MAP4K5: variants seen among roughly 807,000 people sequenced by gnomAD.
MAP4K5 encodes the protein mitogen-activated protein kinase kinase kinase kinase 5, also known as MAPK/ERK kinase kinase kinase 5.
In MAP4K5, 82 loss-of-function variants were observed where a neutral mutation model predicts 135.6. The observed-to-expected ratio is 0.60, with a 90% CI of 0.51 to 0.73. The LOEUF (loss-of-function observed/expected upper bound fraction) is 0.73, where lower values mean the gene tolerates loss of function less well. MAP4K5 is among the 30% of genes least tolerant of loss of function. The probability of loss-of-function intolerance (pLI) is 0.00; values close to 1 mark genes in which losing one functional copy is unlikely to be tolerated. For missense variants in MAP4K5, 907 were observed against 1,010.9 expected (o/e 0.90, Z 1.39); for synonymous variants, 347 against 335.0 (o/e 1.04, Z -0.39).
intron 1 of MAP4K5, among the ~76,000 whole-genome samples, chr14:50,553,085 A>G (rs2140162685): frequency 6.6e-6 from 1 of 152,248 alleles, no homozygotes; most frequent in South Asian, 2.1e-4. Context: ...ACTTGAGGTC[A>G]GGAGTTCAAG....
chr14:50,524,442 G>T (rs1211252169), intron 2 of MAP4K5, among the ~76,000 whole-genome samples: 2 of 152,002 alleles, frequency 1.3e-5, no homozygotes, highest in Non-Finnish European at 2.9e-5. Context: ...ACTAGTACAG[G>T]TGTTTCAACA....
rs2035678796 is a variant in MAP4K5 at position 50,419,577 on chromosome 14, A to G, written c.*442T>C. The G allele has an allele frequency of 6.4e-6, 1 of 156,786 alleles. No individual in the cohort carries two copies. Among genetic ancestry groups the G allele is most frequent in the African/African-American group, 2.4e-5 (1 of 41,512 alleles). The allele number at this position is 156,786 out of a possible 1,614,324, so 9.7% of individuals were successfully genotyped here. On this transcript the variant is annotated 3_prime_UTR_variant, in exon 33 of 33. Coordinates refer to ENST00000682126, the MANE Select transcript of MAP4K5 (RefSeq NM_006575.6). ...ATTAAATATTCTGTTTTACAAAAAC[A>G]TACAGAATGGCCAATATAAAAGTGA...
chr14:50,557,186 A>AT (rs1357119890), intron 1 of MAP4K5, among the ~76,000 whole-genome samples: 1 of 152,222 alleles, frequency 6.6e-6, no homozygotes, highest in Non-Finnish European at 1.5e-5. Flanking sequence ...CATAGTAAGC[A>AT]TTTTAAAACT....
chr14:50,444,064 T>G (rs1300107739), intron 18 of MAP4K5, 28 bp from the exon 19 acceptor site: 6 of 1,464,562 alleles, frequency 4.1e-6, no homozygotes, highest in African/African-American at 1.4e-5. Context: ...AAAAGTTGAA[T>G]GACCACACAA....
At chr14:50,442,954 T>C (rs996715328) in intron 20 of MAP4K5, 138 bp from the exon 21 acceptor site, 4 of 566,572 alleles carry the variant, frequency 7.1e-6, no homozygotes, top group African/African-American at 3.8e-5. Flanking sequence ...ACAAAATTCA[T>C]ATTTTCACAT....
Position 50,435,067 on chromosome 14 carries a change from T to C in MAP4K5, c.1883-2A>G, listed in dbSNP as rs1177504437. On this transcript the variant is annotated splice_acceptor_variant, in intron 26 of 32. Transcript: ENST00000682126. LOFTEE classifies it high-confidence loss of function. ...TATGTCCCGTGTAAGGGTTTCTGAC[T>C]GGAAAGAAATAAACAAACAAAAAAC... The C allele has an allele frequency of 1.3e-6, 2 of 1,556,430 alleles. No homozygotes were observed. The highest frequency in any genetic ancestry group is 1.8e-6 in the Non-Finnish European group (2 of 1,135,060).
intron 7 of MAP4K5, 21 bp downstream of exon 7, chr14:50,476,238 A>T (rs1316674074): frequency 2.0e-6 from 3 of 1,491,616 alleles, no homozygotes; most frequent in Admixed American, 4.3e-5. Context: ...TTGGCAATTT[A>T]AATGTATTAA....
At chr14:50,533,867 G>T (rs1201900677), upstream of MAP4K5, among the ~76,000 whole-genome samples, 1 of 152,126 alleles carries the variant, frequency 6.6e-6, no homozygotes, top group Admixed American at 6.5e-5. Context: ...ACAGGACAGG[G>T]CATATATGTA....
In MAP4K5 at chr14:50,531,977, T is replaced by G; in HGVS notation, c.73A>C (p.Arg25=). The G allele has an allele frequency of 2.5e-6, 4 of 1,604,590 alleles. No individual in the cohort carries two copies. The highest frequency in any genetic ancestry group is 2.6e-6 in the Non-Finnish European group (3 of 1,175,896). ...TCCCCGTAGGTGCCGCTGCCGACCC[T>G]CTGGACGAGTTCGTAGTCCTGCTGC... The part of the protein sequence containing the change: ...NPQQDYELVQ[R]VGSGTYGDVY... Residue 25 remains arginine (R), a synonymous_variant, in exon 2 of 33, where the codon AGG becomes CGG. Transcript: ENST00000682126.
chr14:50,553,402 T>C (rs1404770092), intron 1 of MAP4K5, among the ~76,000 whole-genome samples: 1 of 151,508 alleles, frequency 6.6e-6, no homozygotes, highest in Admixed American at 6.6e-5. Context: ...CACAATGAGA[T>C]ACAACCTCAT....
Position 50,451,019 on chromosome 14 carries a change from A to C in MAP4K5, c.1016-2187T>G, listed in dbSNP as rs563889415. Among the ~76,000 whole-genome samples the C allele has an allele frequency of 5.3e-5, 8 of 152,334 alleles. No individual in the cohort carries two copies. In the East Asian group the frequency reaches 1.5e-3, roughly 29 times the overall value. Reference sequence around the variant, plus strand: ...TTTCAAAACAGCTATAAATATGTTCAAGGATTTAAGAGAAAAGATAGACAC... The same window carrying C: ...TTTCAAAACAGCTATAAATATGTTCCAGGATTTAAGAGAAAAGATAGACAC... On this transcript the variant is annotated intron_variant, in intron 14 of 32. Transcript: ENST00000682126.
At chr14:50,520,912 T>G (rs2038137452) in intron 2 of MAP4K5, among the ~76,000 whole-genome samples, 1 of 144,234 alleles carries the variant, frequency 6.9e-6, no homozygotes, top group Non-Finnish European at 1.5e-5. Context: ...AACCTCCACC[T>G]CCCAGTTCAA....
At chr14:50,462,526 G>C (rs145716855) in intron 13 of MAP4K5, 139 bp downstream of exon 13, 1 of 631,810 alleles carries the variant, frequency 1.6e-6, no homozygotes, top group African/African-American at 1.9e-5. Context: ...GAAAAGTGTA[G>C]TTTACATTAT....
intron 2 of MAP4K5, among the ~76,000 whole-genome samples, chr14:50,508,654 A>T (rs2037863586): frequency 6.6e-6 from 1 of 152,092 alleles, no homozygotes; most frequent in Non-Finnish European, 1.5e-5. Context: ...AACATGGGAC[A>T]TGTATACATA....
At chr14:50,503,303 A>T (rs1252358637) in intron 3 of MAP4K5, among the ~76,000 whole-genome samples, 1 of 152,116 alleles carries the variant, frequency 6.6e-6, no homozygotes, top group African/African-American at 2.4e-5. Context: ...ATCAATATTT[A>T]CTGAACTTCC....
At chr14:50,496,815 A>AAAAAATAAAAAT (rs529474394) in intron 3 of MAP4K5, among the ~76,000 whole-genome samples, 69 of 151,714 alleles carry the variant, frequency 4.5e-4, no homozygotes, top group African/African-American at 1.6e-3. Flanking sequence ...TCCCAGACCA[A>AAAAAATAAAAAT]AAAAATAAAA....
chr14:50,559,268 T>A (rs1432294617), intron 1 of MAP4K5: 1 of 151,962 alleles, frequency 6.6e-6, no homozygotes, highest in Non-Finnish European at 1.5e-5. Flanking sequence ...CAGTACAGAG[T>A]GTGAGTAACA....
intron 6 of MAP4K5, among the ~76,000 whole-genome samples, chr14:50,477,023 G>T (rs546717005): frequency 9.9e-5 from 15 of 152,226 alleles, no homozygotes; most frequent in African/African-American, 3.1e-4. Flanking sequence ...TTAATAAAAA[G>T]CCTCCTCAAA....
intron 1 of MAP4K5, among the ~76,000 whole-genome samples, chr14:50,558,486 A>C (rs2038792361): frequency 6.6e-6 from 1 of 152,228 alleles, no homozygotes; most frequent in African/African-American, 2.4e-5. Flanking sequence ...CCAATAGTAC[A>C]AAAAGTCACA....
Sources: allele counts gnomAD v4.1 joint callset (sites outside exome capture counted in the v4.1 genomes callset), GRCh38; gene constraint gnomAD v4.1.1; transcripts MANE v1.5; gene names NCBI Gene and HGNC (gene_info 2026-07-23, HGNC 2026-07-21).